The following DLGAP2 variants were observed in gnomAD, a reference collection of about 807,000 sequenced individuals.
DLGAP2 encodes the protein DLG associated protein 2.
DLGAP2 carries 26 observed loss-of-function variants against 100.3 expected under a neutral mutation model. That is an observed-to-expected ratio of 0.26 (90% confidence interval 0.19 to 0.36). DLGAP2 has a LOEUF of 0.36. Among genes scored for constraint, DLGAP2 ranks in the 10% least tolerant of loss-of-function variants. DLGAP2 has a pLI of 1.00. For missense variants in DLGAP2, 1,858 were observed against 1,453.2 expected (o/e 1.28, Z -4.53); for synonymous variants, 886 against 630.1 (o/e 1.41, Z -6.08).
At chr8:786,154 A>G (rs941110494) in intron 1 of DLGAP2, among the ~76,000 whole-genome samples, 2 of 152,136 alleles carry the variant, frequency 1.3e-5, no homozygotes, top group Non-Finnish European at 2.9e-5. Context: ...GGGGCAGGAA[A>G]AGCCCGTCCT....
intron 2 of DLGAP2, among the ~76,000 whole-genome samples, chr8:951,330 C>T (rs1322009702): frequency 1.3e-5 from 2 of 152,022 alleles, no homozygotes; most frequent in Non-Finnish European, 2.9e-5. Flanking sequence ...ACTGCAAACT[C>T]TGCCTCCCAG....
intron 2 of DLGAP2, among the ~76,000 whole-genome samples, chr8:1,252,205 C>T (rs569270163): frequency 6.6e-6 from 1 of 150,800 alleles, no homozygotes; most frequent in African/African-American, 2.4e-5. Flanking sequence ...TCATGTCACA[C>T]TTGTCACACT....
chr8:1,348,137 G>A (rs1026872240), intron 3 of DLGAP2, among the ~76,000 whole-genome samples: 11 of 151,854 alleles, frequency 7.2e-5, no homozygotes, highest in African/African-American at 1.2e-4. Context: ...TGTGGAGGTT[G>A]AGTTCCCATA....
At chr8:1,231,952 A>G (rs1015657002) in intron 2 of DLGAP2, among the ~76,000 whole-genome samples, 1 of 152,234 alleles carries the variant, frequency 6.6e-6, no homozygotes, top group African/African-American at 2.4e-5. Context: ...TGAATGTAAA[A>G]TCAAAGTTGA....
intron 2 of DLGAP2, among the ~76,000 whole-genome samples, chr8:1,075,755 G>C (rs1803585503): frequency 6.6e-6 from 1 of 152,026 alleles, no homozygotes; most frequent in Non-Finnish European, 1.5e-5. Flanking sequence ...TGAGTGATGA[G>C]CAGATGGTTC....
chr8:1,507,088 G>A (rs1193159154), intron 4 of DLGAP2, among the ~76,000 whole-genome samples: 1 of 152,254 alleles, frequency 6.6e-6, no homozygotes, highest in African/African-American at 2.4e-5. Context: ...CCGGACTCAG[G>A]AGCCCAGCTG....
chr8:1,066,962 T>G (rs1031421746), intron 2 of DLGAP2, among the ~76,000 whole-genome samples: 6 of 152,290 alleles, frequency 3.9e-5, no homozygotes, highest in Admixed American at 3.3e-4. Context: ...CCCAGTGGCT[T>G]CTGCCGCATC....
intron 2 of DLGAP2, among the ~76,000 whole-genome samples, chr8:1,013,591 CA>C (rs1394435751): frequency 2.0e-4 from 30 of 149,178 alleles, no homozygotes; most frequent in African/African-American, 7.5e-4. Flanking sequence ...AGCAAACGGA[CA>C]GACGGCGCCT....
At chr8:1,116,396 A>T (rs890971086) in intron 2 of DLGAP2, among the ~76,000 whole-genome samples, 2 of 152,206 alleles carry the variant, frequency 1.3e-5, no homozygotes, top group Non-Finnish European at 2.9e-5. Flanking sequence ...TTTAAATTCT[A>T]CAATTTGGTG....
chr8:1,450,637 C>A (rs960404580), intron 3 of DLGAP2, among the ~76,000 whole-genome samples: 1 of 145,540 alleles, frequency 6.9e-6, no homozygotes. Context: ...ACTTTGTCTT[C>A]CCCCCCATCA....
intron 4 of DLGAP2, among the ~76,000 whole-genome samples, chr8:1,516,279 CTGAA>C (rs990306777): frequency 2.0e-5 from 3 of 148,508 alleles, no homozygotes; most frequent in African/African-American, 7.5e-5. Flanking sequence ...AAATGAGTGA[CTGAA>C]TGAGTGCATG....
chr8:930,071 C>A (rs1476508121), intron 2 of DLGAP2, among the ~76,000 whole-genome samples: 1 of 152,134 alleles, frequency 6.6e-6, no homozygotes, highest in Non-Finnish European at 1.5e-5. Flanking sequence ...CTGAGACAGG[C>A]CACACTGATG....
intron 2 of DLGAP2, among the ~76,000 whole-genome samples, chr8:1,142,494 A>G (rs17065705): frequency 0.055 from 8,337 of 152,288 alleles, 599 homozygotes; most frequent in African/African-American, 0.17. Flanking sequence ...TTTGTGAATT[A>G]TTTGGGTCTA....
chr8:1,305,075 G>A (rs979521583), intron 3 of DLGAP2, among the ~76,000 whole-genome samples: 1 of 152,218 alleles, frequency 6.6e-6, no homozygotes, highest in Non-Finnish European at 1.5e-5. Context: ...GTGACCCCAG[G>A]AATCTCTCTC....
At chr8:1,083,077 CAA>C (rs774569745) in intron 2 of DLGAP2, among the ~76,000 whole-genome samples, 2 of 152,208 alleles carry the variant, frequency 1.3e-5, no homozygotes, top group Non-Finnish European at 2.9e-5. Context: ...GTCAAGCCAA[CAA>C]GAGACGTGAT....
At chr8:1,603,404 T>C (rs1796691746) in intron 6 of DLGAP2, among the ~76,000 whole-genome samples, 2 of 150,376 alleles carry the variant, frequency 1.3e-5, no homozygotes, top group Admixed American at 1.3e-4. Context: ...TAGAGGCTGG[T>C]TAGAGTGGAG....
In DLGAP2 at chr8:1,126,425, TGAG is replaced by T. The variant is rs557233772; in HGVS notation, c.74-132421_74-132419del. ...AGGGGAGAGAAGAGACACAGGCAGATGAGGAGGGAGGCAGGGGAGAGAAGAGAC... is the reference window on the plus strand; with the variant it reads ...AGGGGAGAGAAGAGACACAGGCAGATGAGGGAGGCAGGGGAGAGAAGAGAC... On this transcript the variant is annotated intron_variant, in intron 2 of 14. Transcript: ENST00000637795. 1.6e-3 allele frequency among the ~76,000 whole-genome samples: 239 copies of T among 150,164 alleles called. 1 individual carries two copies. The highest frequency in any genetic ancestry group is 5.5e-3 in the African/African-American group (223 of 40,712).
chr8:1,166,294 G>T (rs550312103), intron 2 of DLGAP2, among the ~76,000 whole-genome samples: 22 of 152,226 alleles, frequency 1.4e-4, no homozygotes, highest in African/African-American at 4.6e-4. Flanking sequence ...GCACCACCCC[G>T]TGCTTCCTTA....
At chr8:870,194 AT>A (rs1797571275) in intron 1 of DLGAP2, among the ~76,000 whole-genome samples, 1 of 152,078 alleles carries the variant, frequency 6.6e-6, no homozygotes, top group Non-Finnish European at 1.5e-5. Flanking sequence ...AAATGTGGAT[AT>A]TTTCCAAAGT....
Sources: gnomAD v4.1 joint callset for allele counts (sites outside exome capture counted in the v4.1 genomes callset) on GRCh38, gnomAD v4.1.1 for gene constraint, MANE v1.5 for transcripts, NCBI Gene and HGNC (gene_info 2026-07-23, HGNC 2026-07-21) for gene names.